Variants in DMRT1 observed in about 807,000 individuals in gnomAD.
The protein encoded by DMRT1 is doublesex- and mab-3-related transcription factor 1.
A neutral mutation model predicts 32.3 loss-of-function variants in DMRT1; 7 were observed. The ratio of observed to expected loss-of-function variants is 0.22; its 90% confidence interval spans 0.12 to 0.41. The LOEUF is 0.41. Among genes scored for constraint, DMRT1 ranks in the 10% least tolerant of loss-of-function variants. The probability of loss-of-function intolerance (pLI) is 1.00; values close to 1 mark genes in which losing one functional copy is unlikely to be tolerated. For synonymous variants in DMRT1, 278 were observed against 206.1 expected, an observed-to-expected ratio of 1.35 and a Z score of -2.99; for missense variants, 625 against 500.5, an observed-to-expected ratio of 1.25 and a Z score of -2.37.
At chr9:959,367 G>A (rs1043831066) in intron 4 of DMRT1, among the ~76,000 whole-genome samples, 1 of 152,170 alleles carries the variant, frequency 6.6e-6, no homozygotes, top group African/African-American at 2.4e-5. Context: ...CAGGGTCCTG[G>A]TGCCACCACT....
chr9:957,309 C>T (rs1264854679), intron 4 of DMRT1, among the ~76,000 whole-genome samples: 1 of 152,206 alleles, frequency 6.6e-6, no homozygotes, highest in Non-Finnish European at 1.5e-5. Context: ...ACAGACTAAA[C>T]CTCTTTAGGG....
In DMRT1 at chr9:842,145, A is replaced by G; in HGVS notation, c.307A>G (p.Lys103Glu). Residue 103 changes from lysine (K) to glutamate (E), a missense_variant, in exon 1 of 5, where the codon AAG (lysine) becomes GAG (glutamate). By Grantham distance (56) the Lys-to-Glu change is moderately conservative. Transcript: ENST00000382276. ...CTGCATGTGGCGCGACTGCCAGTGC[A>G]AGAAGTGCAACCTGATCGCCGAGAG... ...RFCMWRDCQCKKCNLIAERQR... is the reference protein window; with the variant it reads ...RFCMWRDCQCEKCNLIAERQR... 1 of 1,547,298 alleles carries G rather than the reference A, an allele frequency of 6.5e-7. No homozygotes were observed. The highest frequency in any genetic ancestry group is 2.4e-5 in the East Asian group (1 of 41,462).
intron 3 of DMRT1, among the ~76,000 whole-genome samples, chr9:908,958 C>G (rs1337338282): frequency 6.6e-6 from 1 of 152,166 alleles, no homozygotes; most frequent in African/African-American, 2.4e-5. Context: ...CACCCCTCCC[C>G]TGTCCACCCC....
chr9:907,643 C>T (rs553697044), intron 3 of DMRT1, among the ~76,000 whole-genome samples: 72 of 152,280 alleles, frequency 4.7e-4, no homozygotes, highest in Non-Finnish European at 9.1e-4. Flanking sequence ...TTGAGACCCA[C>T]AGTAAGAAAC....
At chr9:868,308 A>T (rs1217721679) in intron 2 of DMRT1, among the ~76,000 whole-genome samples, 1 of 152,192 alleles carries the variant, frequency 6.6e-6, no homozygotes, top group Non-Finnish European at 1.5e-5. Context: ...GGCAAGCATT[A>T]TCCTGGATCT....
intron 4 of DMRT1, among the ~76,000 whole-genome samples, chr9:936,064 A>T (rs1818876213): frequency 6.6e-6 from 1 of 152,334 alleles, no homozygotes. Flanking sequence ...TGTGGCAACA[A>T]TGCAGAGCTC....
At chr9:873,897 C>G (rs1253085954) in intron 2 of DMRT1, among the ~76,000 whole-genome samples, 1 of 152,110 alleles carries the variant, frequency 6.6e-6, no homozygotes. Context: ...TTCTAGTACT[C>G]CCCCCAAAAT....
At chr9:925,571 G>A (rs1195772233) in intron 4 of DMRT1, among the ~76,000 whole-genome samples, 1 of 152,218 alleles carries the variant, frequency 6.6e-6, no homozygotes, top group Non-Finnish European at 1.5e-5. Flanking sequence ...TTAAGAGGAG[G>A]AGCCAGCCTA....
At chr9:888,620 TTTAATA>T (rs1817023522) in intron 2 of DMRT1, among the ~76,000 whole-genome samples, 4 of 152,086 alleles carry the variant, frequency 2.6e-5, no homozygotes, top group African/African-American at 9.7e-5. Context: ...TATACTTTTA[TTTAATA>T]GTCAGGACTG....
intron 4 of DMRT1, 84 bp from the exon 5 acceptor site, chr9:967,901 G>C: frequency 7.7e-7 from 1 of 1,298,390 alleles, no homozygotes; most frequent in South Asian, 1.2e-5. Context: ...TAACCTAATT[G>C]AATAATGAAT....
At position 846,999 on chromosome 9, in the gene DMRT1, G is replaced by T. The variant is rs185453849; in HGVS notation, c.394G>T (p.Gly132Cys). ...GCAGCAGGCCCAGGAGGAGGAATTG[G>T]GTATCAGCCACCCCATCCCACTGCC... is the stretch of plus-strand genomic sequence containing the variant. ...RRQQAQEEEL[G>C]ISHPIPLPSA... is the part of the protein sequence containing the mutation. The change falls in exon 2 of 5, where the codon GGT becomes TGT. Residue 132 changes from glycine (G) to cysteine (C), a missense_variant. By Grantham distance (159) the Gly-to-Cys change is radical. Coordinates refer to ENST00000382276, the MANE Select transcript of DMRT1 (RefSeq NM_021951.3). The T allele has an allele frequency of 3.1e-6, 5 of 1,614,104 alleles. No homozygotes were observed. Among genetic ancestry groups the T allele is most frequent in the Non-Finnish European group, 4.2e-6 (5 of 1,180,038 alleles).
rs1412139825 is a variant in DMRT1 at position 965,808 on chromosome 9, G to A, written c.968-2177G>A. Among the ~76,000 whole-genome samples the A allele has an allele frequency of 6.6e-6, 1 of 152,214 alleles. No individual in the cohort carries two copies. The highest frequency in any genetic ancestry group is 1.9e-4 in the East Asian group (1 of 5,202). On this transcript the variant is annotated intron_variant, in intron 4 of 4. Coordinates refer to ENST00000382276, the MANE Select transcript of DMRT1 (RefSeq NM_021951.3). This position sits in a 1 kb window ranked among gnomAD's most constrained non-coding sequence, Gnocchi z 4.5. Reference sequence around the variant, plus strand: ...GGAGAAGGTTGGTGCAGGGGCCAGAGCACGCCAGAGTCAGCCTAATCAGTA... The same window carrying A: ...GGAGAAGGTTGGTGCAGGGGCCAGAACACGCCAGAGTCAGCCTAATCAGTA...
chr9:938,173 C>T (rs1209811119), intron 4 of DMRT1, among the ~76,000 whole-genome samples: 2 of 152,122 alleles, frequency 1.3e-5, no homozygotes, highest in Non-Finnish European at 2.9e-5. Context: ...GTTTATATTG[C>T]AGCTTTTGTA....
At chr9:942,934 A>G (rs1819123511) in intron 4 of DMRT1, among the ~76,000 whole-genome samples, 1 of 152,166 alleles carries the variant, frequency 6.6e-6, no homozygotes, top group African/African-American at 2.4e-5. Context: ...TGGCAAATAA[A>G]TCGCAGAGCA....
At chr9:902,951 GT>G (rs1817645678) in intron 3 of DMRT1, among the ~76,000 whole-genome samples, 1 of 152,138 alleles carries the variant, frequency 6.6e-6, no homozygotes, top group Non-Finnish European at 1.5e-5. Flanking sequence ...AGACTCTTCT[GT>G]TTAAGGAAAT....
intron 2 of DMRT1, among the ~76,000 whole-genome samples, chr9:886,868 G>C (rs192762060): frequency 1.3e-5 from 2 of 152,274 alleles, no homozygotes; most frequent in Admixed American, 1.3e-4. Context: ...GCATGGGCTG[G>C]ACAGATGGTA....
At chr9:878,202 C>CCCCA (rs1816586402) in intron 2 of DMRT1, among the ~76,000 whole-genome samples, 1 of 94,832 alleles carries the variant, frequency 1.1e-5, no homozygotes, top group African/African-American at 3.9e-5. Flanking sequence ...CAGCTGCTGC[C>CCCCA]CCCCCCCCAC....
intron 2 of DMRT1, among the ~76,000 whole-genome samples, chr9:873,640 T>C (rs1014556122): frequency 1.3e-5 from 2 of 152,178 alleles, no homozygotes; most frequent in Non-Finnish European, 2.9e-5. Flanking sequence ...TTAATGTTCT[T>C]AGGTTATCGC....
intron 1 of DMRT1, among the ~76,000 whole-genome samples, chr9:846,546 A>C (rs56086999): frequency 0.014 from 2,101 of 152,090 alleles, 48 homozygotes; most frequent in African/African-American, 0.046. Flanking sequence ...CTCCCTAGCC[A>C]ATCTTATTCT....
Sources: allele counts gnomAD v4.1 joint callset (sites outside exome capture counted in the v4.1 genomes callset), GRCh38; gene constraint gnomAD v4.1.1; non-coding constraint Gnocchi (gnomAD v3.1); transcripts MANE v1.5; gene names NCBI Gene and HGNC (gene_info 2026-07-23, HGNC 2026-07-21).